CYTIP: variants seen among roughly 807,000 people sequenced by gnomAD.
CYTIP encodes cytohesin-interacting protein.
A neutral mutation model predicts 43.8 loss-of-function variants in CYTIP; 26 were observed. That is an observed-to-expected ratio of 0.59 (90% confidence interval 0.44 to 0.82). The LOEUF is 0.82. CYTIP is among the 40% of genes least tolerant of loss of function. CYTIP has a pLI of 0.00. For missense variants in CYTIP, 426 were observed against 443.1 expected (o/e 0.96, Z 0.35); for synonymous variants, 162 against 162.9 (o/e 0.99, Z 0.04).
chr2:157,424,919 T>C (rs902758569), intron 6 of CYTIP, among the ~76,000 whole-genome samples: 38 of 152,146 alleles, frequency 2.5e-4, no homozygotes. Flanking sequence ...AATAGAGGTT[T>C]TACTGCAAGT....
intron 6 of CYTIP, among the ~76,000 whole-genome samples, chr2:157,426,763 CTG>C (rs1226572040): frequency 6.6e-6 from 1 of 152,116 alleles, no homozygotes; most frequent in Non-Finnish European, 1.5e-5. Context: ...GCCCAGAAAA[CTG>C]AGATTTTTAA....
chr2:157,433,277 A>G (rs1197728067), intron 3 of CYTIP, among the ~76,000 whole-genome samples: 1 of 152,198 alleles, frequency 6.6e-6, no homozygotes, highest in African/African-American at 2.4e-5. Flanking sequence ...AGATTTCACC[A>G]GTTACTGTGG....
intron 6 of CYTIP, among the ~76,000 whole-genome samples, chr2:157,420,229 G>T (rs751230910): frequency 6.6e-6 from 1 of 152,058 alleles, no homozygotes; most frequent in Non-Finnish European, 1.5e-5. Context: ...TTAAGAGGCC[G>T]AGGAGGCTGG....
chr2:157,419,905 C>T (rs754651234), intron 6 of CYTIP, among the ~76,000 whole-genome samples: 8 of 152,220 alleles, frequency 5.3e-5, no homozygotes, highest in Non-Finnish European at 1.0e-4. Flanking sequence ...CAGAATTTTC[C>T]AAACTTTGAT....
At chr2:157,441,549 A>G (rs1685914178) in intron 1 of CYTIP, among the ~76,000 whole-genome samples, 1 of 152,048 alleles carries the variant, frequency 6.6e-6, no homozygotes, top group Non-Finnish European at 1.5e-5. Flanking sequence ...TAAATTAATT[A>G]GTATGGGGAT....
intron 1 of CYTIP, 110 bp downstream of exon 1, chr2:157,443,737 G>A (rs2105149719): frequency 8.5e-7 from 1 of 1,177,036 alleles, no homozygotes; most frequent in Non-Finnish European, 1.2e-6. Flanking sequence ...TAATCAGCCA[G>A]TAATTCCAAA....
intron 3 of CYTIP, 114 bp downstream of exon 3, chr2:157,434,256 A>G (rs1048698328): frequency 1.3e-5 from 11 of 859,224 alleles, no homozygotes; most frequent in South Asian, 1.3e-4. Context: ...ACTGAATAAA[A>G]GTCATAGGCT....
Position 157,430,838 on chromosome 2 carries a change from CAT to C in CYTIP, c.382+20_382+21del. 1 of 1,591,032 alleles carries C rather than the reference CAT, an allele frequency of 6.3e-7. No individual in the cohort carries two copies. On this transcript the variant is annotated intron_variant, in intron 4 of 7. Coordinates refer to ENST00000264192, the MANE Select transcript of CYTIP (RefSeq NM_004288.5). ...TTCTTTCCATTTAAATGATTCCTAA[CAT>C]GAGCAAAAATTTAAGTTACCAGCTT...
At chr2:157,423,371 A>G (rs577743768) in intron 6 of CYTIP, among the ~76,000 whole-genome samples, 4 of 152,162 alleles carry the variant, frequency 2.6e-5, no homozygotes, top group African/African-American at 9.6e-5. Flanking sequence ...AATTTTTGAC[A>G]AAAATTTAAA....
rs77433213 is a variant in CYTIP, at chr2:157,425,471, A to G, written c.546+1880T>C. Among the ~76,000 whole-genome samples, 1,314 of 152,284 alleles carry G rather than the reference A, an allele frequency of 8.6e-3. 19 individuals carry two copies. Among genetic ancestry groups the G allele is most frequent in the African/African-American group, 0.03 (1,232 of 41,570 alleles). ...ATACAAATCCTCTAAAGTAAGTATAATAAGGAATATAGGGTCTTCAATGGG... is the reference window on the plus strand; with the variant it reads ...ATACAAATCCTCTAAAGTAAGTATAGTAAGGAATATAGGGTCTTCAATGGG... On this transcript the variant is annotated intron_variant, in intron 6 of 7. Coordinates refer to ENST00000264192, the MANE Select transcript of CYTIP (RefSeq NM_004288.5).
chr2:157,434,073 T>C, intron 3 of CYTIP: 3 of 435,558 alleles, frequency 6.9e-6, no homozygotes, highest in Non-Finnish European at 1.2e-5. Context: ...TTCACTCTCT[T>C]ATCTAAGACC....
In CYTIP at chr2:157,430,894, C is replaced by A; in HGVS notation, c.348G>T (p.Glu116Asp). 5 of 1,613,838 alleles carry A rather than the reference C, an allele frequency of 3.1e-6. No individual in the cohort carries two copies. The highest frequency in any genetic ancestry group is 4.2e-6 in the Non-Finnish European group (5 of 1,179,944). ...GGCCAGCACAGTGAGCTGGGCTGTC[C>A]TCCTGTATTTTGCATATCAAAGTGA... The part of the protein sequence containing the change: ...EMFTLICKIQ[E>D]DSPAHCAGLQ... The change falls in exon 4 of 8, where the codon GAG becomes GAT. Residue 116 changes from glutamate (E) to aspartate (D), a missense_variant. Transcript: ENST00000264192.
chr2:157,440,776 C>T (rs1174625789), intron 1 of CYTIP, among the ~76,000 whole-genome samples: 4 of 152,074 alleles, frequency 2.6e-5, no homozygotes, highest in Non-Finnish European at 5.9e-5. Flanking sequence ...TTGTCAGGTC[C>T]CTGGTTCTCA....
intron 1 of CYTIP, among the ~76,000 whole-genome samples, chr2:157,442,472 CAAA>C (rs35681381): frequency 2.6e-4 from 36 of 136,160 alleles, no homozygotes; most frequent in Admixed American, 3.6e-4. Context: ...CAGTCTCCAG[CAAA>C]AAAAAAAAAA....
chr2:157,418,045 T>G (rs1167923472), intron 7 of CYTIP, among the ~76,000 whole-genome samples: 1 of 152,252 alleles, frequency 6.6e-6, no homozygotes, highest in South Asian at 2.1e-4. Flanking sequence ...ATTTATGTCT[T>G]TGTCTTGGGG....
At position 157,434,396 on chromosome 2, in the gene CYTIP, T is replaced by A. The variant is rs1685759982; in HGVS notation, c.253A>T (p.Asn85Tyr). The A allele has an allele frequency of 1.9e-6, 3 of 1,613,286 alleles. No individual in the cohort carries two copies. In the East Asian group the frequency reaches 6.7e-5, roughly 36 times the overall value. ...TGAATTTCAAATCCAAATGTTTCAT[T>A]ATCCTGCTTCTCCACAGTAACAAGC... ...RKLVTVEKQD[N>Y]ETFGFEIQSY... The change falls in exon 3 of 8, where the codon AAT becomes TAT. Residue 85 changes from asparagine to tyrosine, a missense_variant. Transcript: ENST00000264192.
intron 1 of CYTIP, among the ~76,000 whole-genome samples, chr2:157,442,908 T>C (rs1685940690): frequency 6.6e-6 from 1 of 152,150 alleles, no homozygotes; most frequent in South Asian, 2.1e-4. Flanking sequence ...ATATTTTCTG[T>C]AGAAATGCTA....
chr2:157,434,344 G>A, intron 3 of CYTIP, 26 bp downstream of exon 3: 1 of 1,590,926 alleles, frequency 6.3e-7, no homozygotes, highest in Non-Finnish European at 8.6e-7. Flanking sequence ...TTCCTTGGAA[G>A]TCTAGAAAAT....
At position 157,416,037 on chromosome 2, in the gene CYTIP, T is replaced by A. The variant is rs1203472982; in HGVS notation, c.720A>T (p.Leu240Phe). ...PGPALVDRNRLSSESSCKSWL... is the reference protein window; with the variant it reads ...PGPALVDRNRFSSESSCKSWL... ...AGCTCTTACAGCTGCTCTCACTGGA[T>A]AATCGATTCCGGTCCACAAGGGCTG... Residue 240 changes from leucine to phenylalanine, a missense_variant, in exon 8 of 8, where the codon TTA becomes TTT. Transcript: ENST00000264192. The A allele has an allele frequency of 1.9e-6, 3 of 1,614,214 alleles. No homozygotes were observed. Among genetic ancestry groups the A allele is most frequent in the Middle Eastern group, 1.6e-4 (1 of 6,062 alleles).
Sources: gnomAD v4.1 joint callset for allele counts (sites outside exome capture counted in the v4.1 genomes callset) on GRCh38, gnomAD v4.1.1 for gene constraint, MANE v1.5 for transcripts, NCBI Gene and HGNC (gene_info 2026-07-23, HGNC 2026-07-21) for gene names.